Variants in SMG7 observed in about 807,000 individuals in gnomAD.
SMG7 encodes SMG7 nonsense mediated mRNA decay factor.
A neutral mutation model predicts 148.2 loss-of-function variants in SMG7; 34 were observed. The observed-to-expected ratio is 0.23, with a 90% CI of 0.17 to 0.31. The LOEUF is 0.31. SMG7 is among the 10% of genes least tolerant of loss of function. SMG7 has a pLI of 1.00. For missense variants in SMG7, 1,114 were observed against 1,408.4 expected (o/e 0.79, Z 3.35); for synonymous variants, 492 against 515.1 (o/e 0.96, Z 0.61).
intron 5 of SMG7, 133 bp downstream of exon 5, chr1:183,526,900 G>A: frequency 1.5e-6 from 1 of 670,324 alleles, no homozygotes; most frequent in Non-Finnish European, 2.3e-6. Context: ...ACTATAAAAT[G>A]TATTCTAAGG....
rs1476329891 is a variant in SMG7 at position 183,552,958 on chromosome 1, AACATC to A, written c.*1033_*1037del. 1 of 1,535,422 alleles carries A rather than the reference AACATC, an allele frequency of 6.5e-7. No homozygotes were observed. The highest frequency in any genetic ancestry group is 2.4e-5 in the East Asian group (1 of 40,888). ...AATTGTTTTTATTCCTAATGTGTGCAACATCACATCTCCCCAAGAAGCAACAGCAT... is the reference window on the plus strand; with the variant it reads ...AATTGTTTTTATTCCTAATGTGTGCAACATCTCCCCAAGAAGCAACAGCAT... On this transcript the variant is annotated 3_prime_UTR_variant, in exon 23 of 23. Coordinates refer to ENST00000688051, the MANE Select transcript of SMG7 (RefSeq NM_001375584.1).
intron 1 of SMG7, among the ~76,000 whole-genome samples, chr1:183,499,215 C>T (rs542474746): frequency 3.0e-4 from 45 of 152,148 alleles, no homozygotes; most frequent in Admixed American, 2.9e-3. Context: ...TAAATAAAGC[C>T]GATATGATAT....
At chr1:183,514,140 A>T (rs1460039627) in intron 2 of SMG7, among the ~76,000 whole-genome samples, 4 of 151,820 alleles carry the variant, frequency 2.6e-5, no homozygotes, top group Non-Finnish European at 5.9e-5. Context: ...ATGCCATCCT[A>T]AAATGTAATA....
intron 1 of SMG7, among the ~76,000 whole-genome samples, chr1:183,479,205 A>G (rs1308564902): frequency 6.6e-6 from 1 of 152,140 alleles, no homozygotes; most frequent in East Asian, 1.9e-4. Context: ...CAAGTAGACT[A>G]TGTGGCAGCT....
At position 183,546,108 on chromosome 1, in the gene SMG7, C is replaced by A; in HGVS notation, c.2513C>A (p.Pro838His). ...IKLFEPSLQP[P>H]VMQQQPLEKK... The stretch of plus-strand genomic sequence containing the variant: ...CTGTTTGAGCCGTCATTGCAACCTC[C>A]TGTAATGCAGCAGCAGCCTCTAGAA... The change falls in exon 17 of 23, where the codon CCT becomes CAT. Residue 838 changes from proline to histidine, a missense_variant. Around this residue, in one of 4 missense-constraint regions of SMG7, gnomAD observed 788 missense variants for 894.5 expected, o/e 0.88. Transcript: ENST00000688051. 1 of 1,613,974 alleles carries A rather than the reference C, an allele frequency of 6.2e-7. No homozygotes were observed.
Position 183,552,439 on chromosome 1 carries a change from A to G in SMG7, c.*508A>G. ...GTAAAATATCACACTGAATTCTTCC[A>G]TACACAGGTGTGCTTCTAGTCAGTG... On this transcript the variant is annotated 3_prime_UTR_variant, in exon 23 of 23. Transcript: ENST00000688051. 1.0e-6 allele frequency: 1 copy of G among 992,444 alleles called. No individual in the cohort carries two copies. 61.5% of individuals were successfully genotyped at this position (992,444 alleles called of 1,614,324 possible). A position where few individuals can be genotyped will look rare whatever the true frequency, so the allele number is the denominator to read the frequency against.
At chr1:183,544,119 T>G (rs1669466726) in intron 14 of SMG7, among the ~76,000 whole-genome samples, 1 of 152,224 alleles carries the variant, frequency 6.6e-6, no homozygotes, top group Non-Finnish European at 1.5e-5. Flanking sequence ...TTTGGATTTT[T>G]GTGATCATGG....
chr1:183,528,861 G>C, intron 6 of SMG7, 31 bp from the exon 7 acceptor site: 1 of 1,585,900 alleles, frequency 6.3e-7, no homozygotes, highest in Non-Finnish European at 8.6e-7. Flanking sequence ...CACTCTTGGG[G>C]TTACTCCAGA....
At position 183,550,898 on chromosome 1, in the gene SMG7, A is replaced by T. The variant is rs921509603; in HGVS notation, c.3281A>T (p.Asp1094Val). The change falls in exon 21 of 23, where the codon GAT becomes GTT. Residue 1094 changes from aspartate (D) to valine (V), a missense_variant. Around this residue, in one of 4 missense-constraint regions of SMG7, gnomAD observed 788 missense variants for 894.5 expected, o/e 0.88. Coordinates refer to ENST00000688051, the MANE Select transcript of SMG7 (RefSeq NM_001375584.1). ...GATAACAGGGATAGAAGGACTGCAG[A>T]TCGGTGGAAAACTGATAAGCCAGGT... Reference protein sequence around the residue: ...TPDNRDRRTADRWKTDKPAMG... With the variant: ...TPDNRDRRTAVRWKTDKPAMG... 1.2e-6 allele frequency: 2 copies of T among 1,614,136 alleles called. No individual in the cohort carries two copies. The highest frequency in any genetic ancestry group is 3.3e-5 in the Admixed American group (2 of 60,030).
rs1364669015 is a variant in SMG7, at chr1:183,551,970, C to T, written c.*39C>T. The T allele has an allele frequency of 6.2e-7, 1 of 1,605,292 alleles. No individual in the cohort carries two copies. The highest frequency in any genetic ancestry group is 2.3e-5 in the East Asian group (1 of 44,396). On this transcript the variant is annotated 3_prime_UTR_variant, in exon 23 of 23. Transcript: ENST00000688051. ...ACCTGGGAATGAAGGCTCCATAAAC[C>T]ATGGCATGTTGGGTTTGCAGGACTG...
chr1:183,492,566 C>G (rs1342959625), intron 1 of SMG7, among the ~76,000 whole-genome samples: 1 of 152,176 alleles, frequency 6.6e-6, no homozygotes, highest in Non-Finnish European at 1.5e-5. Context: ...AAATAGCCTG[C>G]CAGTTTCTAA....
chr1:183,517,804 G>C lies in SMG7; in HGVS notation c.296G>C (p.Ser99Thr). Residue 99 changes from serine (S) to threonine (T), a missense_variant, in exon 4 of 23, where the codon AGT becomes ACT. Around this residue, in one of 4 missense-constraint regions of SMG7, gnomAD observed 216 missense variants for 329.1 expected, o/e 0.66. Transcript: ENST00000688051. ...CTTTCTCTGTTCCTAGAGGCAGCTA[G>C]TGGCTTCTATACTCAGGTGAGTTCT... is the stretch of plus-strand genomic sequence containing the variant. ...ANLSLFLEAA[S>T]GFYTQLLQEL... The C allele has an allele frequency of 6.2e-7, 1 of 1,614,146 alleles. No homozygotes were observed. Among genetic ancestry groups the C allele is most frequent in the East Asian group, 2.2e-5 (1 of 44,888 alleles).
intron 1 of SMG7, among the ~76,000 whole-genome samples, chr1:183,493,016 T>C (rs1289030001): frequency 6.6e-6 from 1 of 152,234 alleles, no homozygotes; most frequent in Non-Finnish European, 1.5e-5. Flanking sequence ...GTTGCCTAGG[T>C]ATTGTGCAGT....
Position 183,550,796 on chromosome 1 carries a change from G to A in SMG7, c.3179G>A (p.Ser1060Asn), listed in dbSNP as rs1670884161. 2 of 1,614,068 alleles carry A rather than the reference G, an allele frequency of 1.2e-6. No homozygotes were observed. The highest frequency in any genetic ancestry group is 1.7e-6 in the Non-Finnish European group (2 of 1,179,980). The change falls in exon 21 of 23, where the codon AGC becomes AAC. Residue 1060 changes from serine to asparagine, a missense_variant. Physicochemically the swap from Ser to Asn is conservative, Grantham distance 46. Around this residue, in one of 4 missense-constraint regions of SMG7, gnomAD observed 788 missense variants for 894.5 expected, o/e 0.88. Transcript: ENST00000688051. Reference sequence around the variant, plus strand: ...CAGTCTCCTCATTCCTCTAACCCAAGCAGCCTACCCAGCTCTCCTCCAACA... The same window carrying A: ...CAGTCTCCTCATTCCTCTAACCCAAACAGCCTACCCAGCTCTCCTCCAACA... Reference protein sequence around the residue: ...ASQSPHSSNPSSLPSSPPTHN... With the variant: ...ASQSPHSSNPNSLPSSPPTHN...
intron 12 of SMG7, among the ~76,000 whole-genome samples, chr1:183,539,619 A>AT (rs1325309551): frequency 6.6e-6 from 1 of 152,174 alleles, no homozygotes; most frequent in African/African-American, 2.4e-5. Context: ...AACTGAGCTT[A>AT]TATTTTCCGA....
intron 2 of SMG7, among the ~76,000 whole-genome samples, chr1:183,514,377 G>A (rs1662988894): frequency 6.6e-6 from 1 of 152,074 alleles, no homozygotes; most frequent in Non-Finnish European, 1.5e-5. Context: ...AAAGTGTGTT[G>A]GGGGGTGAAT....
In SMG7 at chr1:183,527,630, A is replaced by G. The variant is rs1029817612; in HGVS notation, c.485-326A>G. ...TTGTTTTGTTTTGTTTTTAAGTGCC[A>G]TATAACTCACCCCTTCTTGTGGGCC... On this transcript the variant is annotated intron_variant, in intron 5 of 22. Coordinates refer to ENST00000688051, the MANE Select transcript of SMG7 (RefSeq NM_001375584.1). The surrounding 1 kb of genome is among the most constrained non-coding windows in gnomAD (Gnocchi z 4.0). 1 of 487,046 alleles carries G rather than the reference A, an allele frequency of 2.1e-6. No homozygotes were observed. The highest frequency in any genetic ancestry group is 6.3e-5 in the East Asian group (1 of 15,822). The allele number at this position is 487,046 out of a possible 1,614,324, so 30.2% of individuals were successfully genotyped here. A position where few individuals can be genotyped will look rare whatever the true frequency, so the allele number is the denominator to read the frequency against.
rs1172756661 is a variant in SMG7 at position 183,515,268 on chromosome 1, A to G, written c.62-606A>G. 7.3e-5 allele frequency among the ~76,000 whole-genome samples: 11 copies of G among 150,110 alleles called. No individual in the cohort carries two copies. In the Admixed American group the frequency reaches 7.4e-4, roughly 10 times the overall value. ...ACTAATGTGGATTGCTCACAAAAGT[A>G]TCTTAGGAAACAGTCTACCGCTCAT... On this transcript the variant is annotated intron_variant, in intron 2 of 22. Coordinates refer to ENST00000688051, the MANE Select transcript of SMG7 (RefSeq NM_001375584.1).
chr1:183,515,452 A>G (rs578181827), intron 2 of SMG7, among the ~76,000 whole-genome samples: 3 of 152,326 alleles, frequency 2.0e-5, no homozygotes, highest in African/African-American at 7.2e-5. Context: ...AAAAAGAAAG[A>G]AAAAGTTGCT....
Sources: gnomAD v4.1 joint callset for allele counts (sites outside exome capture counted in the v4.1 genomes callset) on GRCh38, gnomAD v4.1.1 for gene constraint, gnomAD v4.1.1 regional missense constraint, Gnocchi (gnomAD v3.1) non-coding constraint, MANE v1.5 for transcripts, NCBI Gene and HGNC (gene_info 2026-07-23, HGNC 2026-07-21) for gene names.